PDZRN4: variants seen among roughly 807,000 people sequenced by gnomAD.
PDZRN4 encodes PDZ domain containing ring finger 4.
A neutral mutation model predicts 99.0 loss-of-function variants in PDZRN4; 70 were observed. The ratio of observed to expected loss-of-function variants is 0.71; its 90% CI spans 0.58 to 0.86. The LOEUF is 0.86. Ranked by LOEUF, PDZRN4 falls within the 40% of genes least tolerant of loss-of-function variation. The pLI, the probability that PDZRN4 is intolerant of heterozygous loss-of-function variation, is 0.00. For missense variants in PDZRN4, 1,474 were observed against 1,331.2 expected (o/e 1.11, Z -1.67); for synonymous variants, 551 against 501.6 (o/e 1.10, Z -1.32).
At chr12:41,450,594 G>A (rs1031968429) in intron 3 of PDZRN4, among the ~76,000 whole-genome samples, 1 of 152,146 alleles carries the variant, frequency 6.6e-6, no homozygotes, top group Admixed American at 6.5e-5. Context: ...CAAAAGTGAT[G>A]TTTCTACCTG....
At chr12:41,221,245 G>A (rs151193860) in intron 3 of PDZRN4, among the ~76,000 whole-genome samples, 59 of 152,272 alleles carry the variant, frequency 3.9e-4, no homozygotes, top group African/African-American at 1.3e-3. Context: ...TGAAGTTAAT[G>A]TTAAGTCCCT....
At chr12:41,230,472 T>C (rs1951021251) in intron 3 of PDZRN4, among the ~76,000 whole-genome samples, 1 of 152,114 alleles carries the variant, frequency 6.6e-6, no homozygotes, top group Non-Finnish European at 1.5e-5. Flanking sequence ...TCAAAGGTCA[T>C]ATTTGTGATT....
chr12:41,397,458 A>T (rs934845395), intron 3 of PDZRN4, among the ~76,000 whole-genome samples: 1 of 152,174 alleles, frequency 6.6e-6, no homozygotes, highest in South Asian at 2.1e-4. Context: ...AAAATGGCCA[A>T]TCAGTAATAA....
intron 3 of PDZRN4, among the ~76,000 whole-genome samples, chr12:41,203,737 T>C (rs2120672244): frequency 6.6e-6 from 1 of 152,118 alleles, no homozygotes; most frequent in South Asian, 2.1e-4. Context: ...ATACTACCTA[T>C]TATTAAGAAT....
chr12:41,461,415 A>G (rs549207566), intron 3 of PDZRN4, among the ~76,000 whole-genome samples: 3 of 152,132 alleles, frequency 2.0e-5, no homozygotes, highest in South Asian at 2.1e-4. Context: ...GTTTTCCTCT[A>G]TGTGTCCATG....
At chr12:41,412,014 G>A (rs756690247) in intron 3 of PDZRN4, 1 of 152,208 alleles carries the variant, frequency 6.6e-6, no homozygotes, top group Non-Finnish European at 1.5e-5. Flanking sequence ...CAAGGTATAT[G>A]TCTAGGGCAG....
Position 41,555,724 on chromosome 12 carries a change from A to G in PDZRN4, c.1329A>G (p.Lys443=). The change falls in exon 7 of 10, where the codon AAA becomes AAG. Residue 443 remains lysine (K), a synonymous_variant. Coordinates refer to ENST00000402685, the MANE Select transcript of PDZRN4 (RefSeq NM_001164595.2). ...SEVDPNSIAA[K]DGRIREGDRI... is the part of the protein sequence containing the mutation. ...TTGACCCAAATAGCATTGCTGCCAA[A>G]GACGGCCGGATTCGAGAAGGGGATC... The G allele has an allele frequency of 6.2e-7, 1 of 1,614,064 alleles. No individual in the cohort carries two copies. Among genetic ancestry groups the G allele is most frequent in the Non-Finnish European group, 8.5e-7 (1 of 1,179,946 alleles).
intron 5 of PDZRN4, among the ~76,000 whole-genome samples, chr12:41,546,985 G>A (rs1938964455): frequency 6.6e-6 from 1 of 152,180 alleles, no homozygotes; most frequent in Non-Finnish European, 1.5e-5. Flanking sequence ...AATGGCCGTG[G>A]ATAGTTAGCA....
chr12:41,189,028 G>A lies in PDZRN4; in HGVS notation c.573G>A (p.Arg191=). Residue 191 remains arginine, a synonymous_variant, in exon 1 of 10, where the codon AGG becomes AGA. Transcript: ENST00000402685. ...GCGAGGTGCAGCTCACGGCGCGCAG[G>A]TACCAGGAGAAGTTCACCCAATACA... ...LQGEVQLTAR[R]YQEKFTQYMA... 2 of 1,567,406 alleles carry A rather than the reference G, an allele frequency of 1.3e-6. No homozygotes were observed. The highest frequency in any genetic ancestry group is 1.3e-5 in the African/African-American group (1 of 74,306).
intron 5 of PDZRN4, among the ~76,000 whole-genome samples, chr12:41,525,185 A>G (rs1319025184): frequency 6.6e-6 from 1 of 152,074 alleles, no homozygotes; most frequent in Non-Finnish European, 1.5e-5. Context: ...TCAGGGAGAT[A>G]CCAGGCCTGG....
At position 41,426,412 on chromosome 12, in the gene PDZRN4, G is replaced by T. The variant is rs560025678; in HGVS notation, c.844-80044G>T. On this transcript the variant is annotated intron_variant, in intron 3 of 9. Transcript: ENST00000402685. ...CACAAGGAAACAATGACTGATTCAAGACCACCTCTACCACTGACTCTTCAT... is the reference window on the plus strand; with the variant it reads ...CACAAGGAAACAATGACTGATTCAATACCACCTCTACCACTGACTCTTCAT... 2.0e-5 allele frequency among the ~76,000 whole-genome samples: 3 copies of T among 152,290 alleles called. No homozygotes were observed. In the East Asian group the frequency reaches 5.8e-4, roughly 29 times the overall value.
intron 3 of PDZRN4, chr12:41,459,880 A>C (rs1398681105): frequency 1.7e-6 from 2 of 1,172,432 alleles, no homozygotes; most frequent in East Asian, 6.2e-5. Flanking sequence ...AGTTTAAAAA[A>C]AATGAAAACT....
At chr12:41,395,243 TA>T (rs35211368) in intron 3 of PDZRN4, among the ~76,000 whole-genome samples, 55,815 of 151,862 alleles carry the variant, frequency 0.37, 10,750 homozygotes, top group South Asian at 0.49. Context: ...CCTGTGAAAC[TA>T]AAAAAGCAAA....
At chr12:41,308,652 G>A (rs909867636) in intron 3 of PDZRN4, among the ~76,000 whole-genome samples, 4 of 152,120 alleles carry the variant, frequency 2.6e-5, no homozygotes, top group African/African-American at 9.6e-5. Context: ...AATGGCAAAT[G>A]TCAAATAACC....
intron 3 of PDZRN4, among the ~76,000 whole-genome samples, chr12:41,233,713 T>C (rs1037308833): frequency 6.6e-6 from 1 of 151,698 alleles, no homozygotes; most frequent in Non-Finnish European, 1.5e-5. Context: ...CCGCATGTTC[T>C]CACTCATAGG....
chr12:41,328,882 T>C (rs1338902100), intron 3 of PDZRN4, among the ~76,000 whole-genome samples: 1 of 152,142 alleles, frequency 6.6e-6, no homozygotes, highest in Non-Finnish European at 1.5e-5. Context: ...ACTTTGTTTA[T>C]TGGCCAGGAG....
chr12:41,204,581 C>T (rs544942025), intron 3 of PDZRN4, among the ~76,000 whole-genome samples: 1 of 152,102 alleles, frequency 6.6e-6, no homozygotes, highest in Admixed American at 6.6e-5. Flanking sequence ...ACCTTCTTCA[C>T]AAGGCAGCAG....
intron 3 of PDZRN4, among the ~76,000 whole-genome samples, chr12:41,372,194 T>C (rs1952047193): frequency 6.6e-6 from 1 of 152,146 alleles, no homozygotes. Context: ...TGAGTACAGA[T>C]GGTAAAATAA....
intron 3 of PDZRN4, among the ~76,000 whole-genome samples, chr12:41,384,507 A>G (rs1454847066): frequency 6.6e-6 from 1 of 152,192 alleles, no homozygotes; most frequent in Non-Finnish European, 1.5e-5. Flanking sequence ...TTAAGTTGTT[A>G]CAATCAGTTA....
Sources: allele counts gnomAD v4.1 joint callset (sites outside exome capture counted in the v4.1 genomes callset), GRCh38; gene constraint gnomAD v4.1.1; transcripts MANE v1.5; gene names NCBI Gene and HGNC (gene_info 2026-07-23, HGNC 2026-07-21).